The following PEX13 variants were observed in gnomAD, a reference collection of about 807,000 sequenced individuals.
The protein encoded by PEX13 is peroxisomal biogenesis factor 13.
PEX13 carries 28 observed loss-of-function variants against 34.5 expected under a neutral mutation model. The ratio of observed to expected loss-of-function variants is 0.81; its 90% CI spans 0.60 to 1.11. The LOEUF is 1.11. Among genes scored for constraint, PEX13 ranks in the 50% most tolerant of loss-of-function variants. The pLI is 0.00. For synonymous variants in PEX13, 177 were observed against 175.1 expected, an observed-to-expected ratio of 1.01 and a Z score of -0.09; for missense variants, 550 against 491.0, an observed-to-expected ratio of 1.12 and a Z score of -1.13.
chr2:61,033,799 C>A (rs1680490140), intron 2 of PEX13, among the ~76,000 whole-genome samples: 1 of 152,038 alleles, frequency 6.6e-6, no homozygotes, highest in Non-Finnish European at 1.5e-5. Context: ...ATGTAAGTGG[C>A]ATATCATGGG....
At chr2:61,018,134 C>A in intron 1 of PEX13, 2 of 1,549,666 alleles carry the variant, frequency 1.3e-6, no homozygotes, top group South Asian at 1.2e-5. Context: ...CGGCTTCCTA[C>A]CTACCGCTTC....
chr2:61,030,251 T>C (rs1680429209), intron 1 of PEX13, among the ~76,000 whole-genome samples: 1 of 152,212 alleles, frequency 6.6e-6, no homozygotes, highest in Non-Finnish European at 1.5e-5. Flanking sequence ...CACTAAAATT[T>C]ATTTGTAATC....
At chr2:61,031,283 C>G in intron 1 of PEX13, 136 bp from the exon 2 acceptor site, 1 of 737,412 alleles carries the variant, frequency 1.4e-6, no homozygotes, top group Non-Finnish European at 2.4e-6. Context: ...CAGAGTGAGA[C>G]CCTGTCTCTA....
At chr2:61,035,755 G>A (rs535910615) in intron 2 of PEX13, among the ~76,000 whole-genome samples, 5 of 152,152 alleles carry the variant, frequency 3.3e-5, no homozygotes, top group Admixed American at 6.5e-5. Context: ...AGGCCAAGGC[G>A]GGCGGATCAC....
intron 1 of PEX13, chr2:61,018,919 C>T (rs1460261196): frequency 6.6e-6 from 1 of 152,122 alleles, no homozygotes; most frequent in Non-Finnish European, 1.5e-5. Flanking sequence ...GTAAAATTAA[C>T]CATTTTCCCA....
intron 2 of PEX13, among the ~76,000 whole-genome samples, chr2:61,033,543 G>A (rs1050212409): frequency 1.2e-4 from 19 of 152,148 alleles, no homozygotes; most frequent in Non-Finnish European, 2.6e-4. Context: ...TGCCTTTGTG[G>A]CAGTCTAATA....
rs139516964 is a variant in PEX13, at chr2:61,045,230, T to A, written c.788-496T>A. On this transcript the variant is annotated intron_variant, in intron 2 of 3. Transcript: ENST00000295030. Reference sequence around the variant, plus strand: ...CCTCAAATTTTATTACAAATTAGAATTAGCAAGTGAATATTTATAATTGAT... The same window carrying A: ...CCTCAAATTTTATTACAAATTAGAAATAGCAAGTGAATATTTATAATTGAT... 2.7e-3 allele frequency among the ~76,000 whole-genome samples: 409 copies of A among 152,352 alleles called. 2 individuals are homozygous for A. The highest frequency in any genetic ancestry group is 8.3e-3 in the African/African-American group (347 of 41,580).
rs576968214 is a variant in PEX13, at chr2:61,044,189, A to G, written c.788-1537A>G. ...GGTCTTGAACTCCTGGCCTCAAGCA[A>G]TCCTGCCTTAGCGTCCCAAAGTGCT... On this transcript the variant is annotated intron_variant, in intron 2 of 3. Transcript: ENST00000295030. 6.6e-5 allele frequency among the ~76,000 whole-genome samples: 10 copies of G among 152,224 alleles called. No homozygotes were observed. The East Asian group carries it at 9.6e-4, about 15-fold the overall frequency.
rs1161796154 is a variant in PEX13 at position 61,048,658 on chromosome 2, C to T, written c.1100C>T (p.Ala367Val). 2 of 1,613,946 alleles carry T rather than the reference C, an allele frequency of 1.2e-6. No homozygotes were observed. Among genetic ancestry groups the T allele is most frequent in the Admixed American group, 1.7e-5 (1 of 60,018 alleles). ...NPTLTKGATV[A>V]DSLDEQEAAF... ...ACACTAACTAAAGGAGCCACGGTTG[C>T]TGATTCTTTGGATGAACAGGAAGCT... Residue 367 changes from alanine (A) to valine (V), a missense_variant, in exon 4 of 4, where the codon GCT becomes GTT. Transcript: ENST00000295030.
At chr2:61,034,366 C>A (rs1033034533) in intron 2 of PEX13, among the ~76,000 whole-genome samples, 13 of 152,196 alleles carry the variant, frequency 8.5e-5, no homozygotes, top group African/African-American at 3.1e-4. Flanking sequence ...GGAACAGCTC[C>A]GGTCTGCAGC....
intron 2 of PEX13, among the ~76,000 whole-genome samples, chr2:61,040,277 A>G (rs1054966354): frequency 2.0e-5 from 3 of 152,180 alleles, no homozygotes; most frequent in African/African-American, 7.2e-5. Flanking sequence ...CTATAAAGAC[A>G]CATGCACACG....
rs953704476 is a variant in PEX13 at position 61,017,923 on chromosome 2, G to A, written c.92+72G>A. 2.8e-6 allele frequency: 4 copies of A among 1,448,686 alleles called. No individual in the cohort carries two copies. In the African/African-American group the frequency reaches 4.2e-5, roughly 15 times the overall value. The allele number at this position is 1,448,686 out of a possible 1,614,324, so 89.7% of individuals were successfully genotyped here. ...GGACTTGGCAGGAGGCGGTTGTAGC[G>A]GTTGTTAGTGGAGGTATTCCCTTCC... On this transcript the variant is annotated intron_variant, in intron 1 of 3. Transcript: ENST00000295030.
chr2:61,027,362 C>G (rs980295287), intron 1 of PEX13, among the ~76,000 whole-genome samples: 2 of 150,608 alleles, frequency 1.3e-5, no homozygotes, highest in African/African-American at 4.9e-5. Context: ...ACAAAACACA[C>G]ACACACACAC....
intron 2 of PEX13, among the ~76,000 whole-genome samples, chr2:61,037,250 C>T (rs1680551158): frequency 6.6e-6 from 1 of 152,230 alleles, no homozygotes; most frequent in Non-Finnish European, 1.5e-5. Context: ...GACTTGAACT[C>T]ACCTCTGGAC....
chr2:61,039,418 C>G (rs1680584238), intron 2 of PEX13, among the ~76,000 whole-genome samples: 1 of 152,102 alleles, frequency 6.6e-6, no homozygotes, highest in Non-Finnish European at 1.5e-5. Flanking sequence ...TGGAACAGAA[C>G]AGAGGCCTCA....
intron 2 of PEX13, among the ~76,000 whole-genome samples, chr2:61,033,958 T>A (rs1178435195): frequency 1.3e-5 from 2 of 148,804 alleles, no homozygotes; most frequent in African/African-American, 2.5e-5. Context: ...AGGAGTAATA[T>A]GACCTGACTT....
In PEX13 at chr2:61,017,833, G is replaced by A; in HGVS notation, c.74G>A (p.Gly25Glu). The A allele has an allele frequency of 6.4e-7, 1 of 1,550,554 alleles. No individual in the cohort carries two copies. Among genetic ancestry groups the A allele is most frequent in the Non-Finnish European group, 8.7e-7 (1 of 1,146,802 alleles). The change falls in exon 1 of 4, where the codon GGA becomes GAA. Residue 25 changes from glycine to glutamate, a missense_variant. Physicochemically the swap from Gly to Glu is moderately conservative, Grantham distance 98. Transcript: ENST00000295030. ...RRIPGAGPGPGPGPTFQSADL... is the reference protein window; with the variant it reads ...RRIPGAGPGPEPGPTFQSADL... ...ATTCCGGGAGCCGGACCGGGACCAG[G>A]ACCGGGCCCCACTTTCCAGTGAGTG...
chr2:61,020,534 C>G (rs532954697), intron 1 of PEX13, among the ~76,000 whole-genome samples: 19 of 152,102 alleles, frequency 1.2e-4, no homozygotes, highest in Non-Finnish European at 2.6e-4. Flanking sequence ...GTCCTGACTT[C>G]CACTGGAGTG....
At chr2:61,032,160 C>T (rs780614293) in intron 2 of PEX13, 47 bp downstream of exon 2, 1 of 1,262,842 alleles carries the variant, frequency 7.9e-7, no homozygotes, top group Admixed American at 1.8e-5. Flanking sequence ...ATAACAATCT[C>T]AAATTTCAAG....
Sources: gnomAD v4.1 joint callset for allele counts (sites outside exome capture counted in the v4.1 genomes callset) on GRCh38, gnomAD v4.1.1 for gene constraint, MANE v1.5 for transcripts, NCBI Gene and HGNC (gene_info 2026-07-23, HGNC 2026-07-21) for gene names.